Variants in IL1RAPL2 observed in about 807,000 individuals in gnomAD.
IL1RAPL2 encodes interleukin 1 receptor accessory protein like 2.
A neutral mutation model predicts 44.1 loss-of-function variants in IL1RAPL2; 3 were observed. The observed-to-expected ratio is 0.07, with a 90% CI of 0.03 to 0.18. The LOEUF is 0.18. IL1RAPL2 is among the 10% of genes least tolerant of loss of function. IL1RAPL2 has a pLI of 1.00. For missense variants in IL1RAPL2, 391 were observed against 496.4 expected (o/e 0.79, Z 2.02); for synonymous variants, 181 against 178.8 (o/e 1.01, Z -0.10).
At chrX:104,711,776 G>C (rs1234585908) in intron 2 of IL1RAPL2, among the ~76,000 whole-genome samples, 4 of 111,037 alleles carry the variant, frequency 3.6e-5, no homozygotes, top group Non-Finnish European at 7.6e-5. Flanking sequence ...CTGGAAGAGA[G>C]AGAGAGTAAA....
intron 2 of IL1RAPL2, among the ~76,000 whole-genome samples, chrX:104,794,348 G>A (rs899372878): frequency 4.5e-5 from 5 of 111,734 alleles, no homozygotes; most frequent in African/African-American, 1.6e-4. Flanking sequence ...GTGATGACAA[G>A]ATAGTGGCTT....
At chrX:104,867,406 A>G (rs767003708) in intron 2 of IL1RAPL2, among the ~76,000 whole-genome samples, 1 of 111,349 alleles carries the variant, frequency 9.0e-6, no homozygotes, top group Non-Finnish European at 1.9e-5. Context: ...CTCTTTCCCT[A>G]CTAAATATTG....
intron 6 of IL1RAPL2, among the ~76,000 whole-genome samples, chrX:105,494,964 C>G (rs918830527): frequency 1.8e-5 from 2 of 111,991 alleles, no homozygotes; most frequent in African/African-American, 3.2e-5. Flanking sequence ...TGGAAGCTTA[C>G]AGGTTGCAGA....
At chrX:104,971,209 G>A (rs942196034) in intron 2 of IL1RAPL2, among the ~76,000 whole-genome samples, 9 of 110,249 alleles carry the variant, frequency 8.2e-5, no homozygotes, top group African/African-American at 2.3e-4. Flanking sequence ...TTAGCCGGGC[G>A]TGGTGAGGCA....
intron 2 of IL1RAPL2, among the ~76,000 whole-genome samples, chrX:105,081,225 A>G (rs2032401846): frequency 1.8e-5 from 2 of 110,868 alleles, no homozygotes; most frequent in African/African-American, 6.6e-5. Flanking sequence ...CTCTTACCTG[A>G]TTGACCTGGC....
chrX:105,406,478 T>A (rs1250002288), intron 5 of IL1RAPL2: 2 of 1,199,158 alleles, frequency 1.7e-6, no homozygotes, highest in Non-Finnish European at 2.3e-6. Context: ...TTCACCAATA[T>A]CCCGAAAGGA....
rs901597238 is a variant in IL1RAPL2, at chrX:105,034,522, G to T, written c.83-160953G>T. Among the ~76,000 whole-genome samples the T allele has an allele frequency of 7.1e-5, 8 of 112,283 alleles. No homozygotes were observed. In the Admixed American group the frequency reaches 7.6e-4, roughly 11 times the overall value. ...CCTGTTTGCCTGGGTATCAGCAGCG[G>T]TGGCTGCAGAACAGCGGTGGCTGTA... On this transcript the variant is annotated intron_variant, in intron 2 of 10. Transcript: ENST00000372582.
At chrX:104,948,751 C>A (rs1284375049) in intron 2 of IL1RAPL2, among the ~76,000 whole-genome samples, 1 of 109,886 alleles carries the variant, frequency 9.1e-6, no homozygotes, top group Non-Finnish European at 1.9e-5. Context: ...ACCAGCCTTG[C>A]ATCCCAGGGA....
chrX:104,903,745 T>G (rs916765110), intron 2 of IL1RAPL2, among the ~76,000 whole-genome samples: 1 of 109,674 alleles, frequency 9.1e-6, no homozygotes, highest in South Asian at 4.0e-4. Flanking sequence ...GCCTGGCTAA[T>G]TTTTTGTATT....
At chrX:105,657,953 T>G (rs1254721013) in intron 6 of IL1RAPL2, among the ~76,000 whole-genome samples, 4 of 109,387 alleles carry the variant, frequency 3.7e-5, no homozygotes, top group African/African-American at 1.3e-4. Flanking sequence ...AGTAGCTATC[T>G]ATCATGTTTG....
chrX:105,220,079 A>G, intron 3 of IL1RAPL2: 1 of 1,211,403 alleles, frequency 8.3e-7, no homozygotes, highest in East Asian at 3.0e-5. Flanking sequence ...TCTGATGCCA[A>G]GGCCTGTGCG....
At chrX:105,661,272 G>T (rs1361019448) in intron 6 of IL1RAPL2, among the ~76,000 whole-genome samples, 1 of 112,052 alleles carries the variant, frequency 8.9e-6, no homozygotes, top group East Asian at 2.8e-4. Context: ...TCCCAGATAT[G>T]CAAAGCAAAT....
At chrX:105,494,350 AAAT>A (rs1196178510) in intron 6 of IL1RAPL2, among the ~76,000 whole-genome samples, 2 of 112,142 alleles carry the variant, frequency 1.8e-5, no homozygotes, top group Non-Finnish European at 3.8e-5. Context: ...AACTGGGAAA[AAAT>A]AGAATTATTT....
intron 5 of IL1RAPL2, among the ~76,000 whole-genome samples, chrX:105,292,119 A>G (rs2034618032): frequency 8.9e-6 from 1 of 111,764 alleles, no homozygotes; most frequent in African/African-American, 3.3e-5. Flanking sequence ...ATGTTTTGAT[A>G]TTGAGGTATC....
intron 5 of IL1RAPL2, among the ~76,000 whole-genome samples, chrX:105,310,534 T>A (rs1380351009): frequency 3.6e-5 from 4 of 111,597 alleles, no homozygotes; most frequent in Non-Finnish European, 5.7e-5. Context: ...TCTTTTAAAA[T>A]CTTCTTAAGG....
intron 2 of IL1RAPL2, among the ~76,000 whole-genome samples, chrX:105,069,349 C>G (rs1452292087): frequency 8.9e-6 from 1 of 112,598 alleles, no homozygotes; most frequent in African/African-American, 3.2e-5. Flanking sequence ...ACTCTGCAAG[C>G]CTTCATTTGG....
intron 2 of IL1RAPL2, among the ~76,000 whole-genome samples, chrX:105,097,891 T>G (rs1436750532): frequency 9.0e-6 from 1 of 111,300 alleles, no homozygotes; most frequent in Non-Finnish European, 1.9e-5. Context: ...GGTTTTAAAA[T>G]TATTAAGGCT....
In IL1RAPL2 at chrX:105,375,572, G is replaced by A. The variant is rs1239527279; in HGVS notation, c.697+108031G>A. 5.3e-5 allele frequency among the ~76,000 whole-genome samples: 6 copies of A among 112,225 alleles called. No individual in the cohort carries two copies. In the East Asian group the frequency reaches 1.1e-3, roughly 21 times the overall value. On this transcript the variant is annotated intron_variant, in intron 5 of 10. Coordinates refer to ENST00000372582, the MANE Select transcript of IL1RAPL2 (RefSeq NM_017416.2). ...ACCCTGTACCTGCTATATTTTTCAG[G>A]CTGTTTCAGAAAAAGGCAAAAGTAA...
At chrX:105,062,469 A>G (rs748183391) in intron 2 of IL1RAPL2, among the ~76,000 whole-genome samples, 15 of 111,684 alleles carry the variant, frequency 1.3e-4, no homozygotes, top group Non-Finnish European at 2.6e-4. Flanking sequence ...AGTAGTTTAC[A>G]CACTACACTC....
Sources: gnomAD v4.1 joint callset for allele counts (sites outside exome capture counted in the v4.1 genomes callset) on GRCh38, gnomAD v4.1.1 for gene constraint, MANE v1.5 for transcripts, NCBI Gene and HGNC (gene_info 2026-07-23, HGNC 2026-07-21) for gene names.